SFSWAP: variants seen among roughly 807,000 people sequenced by gnomAD.
SFSWAP encodes splicing factor SWAP.
In SFSWAP, 17 loss-of-function variants were observed where a neutral mutation model predicts 100.7. The observed-to-expected ratio is 0.17, with a 90% CI of 0.12 to 0.25. SFSWAP has a LOEUF of 0.25. SFSWAP is among the 10% of genes least tolerant of loss of function. SFSWAP has a pLI of 1.00. For synonymous variants in SFSWAP, 504 were observed against 510.1 expected, an observed-to-expected ratio of 0.99 and a Z score of 0.16; for missense variants, 1,005 against 1,262.6, an observed-to-expected ratio of 0.80 and a Z score of 3.09.
chr12:131,726,158 A>G (rs899064001), intron 5 of SFSWAP, among the ~76,000 whole-genome samples: 30 of 146,348 alleles, frequency 2.0e-4, no homozygotes, highest in Non-Finnish European at 4.5e-4. Context: ...AAGTCTATTC[A>G]TATATATGTA....
At chr12:131,728,612 G>A (rs1879214318) in intron 7 of SFSWAP, among the ~76,000 whole-genome samples, 184 bp downstream of exon 7, 1 of 152,180 alleles carries the variant, frequency 6.6e-6, no homozygotes, top group Non-Finnish European at 1.5e-5. Flanking sequence ...GCCCAGTGTT[G>A]GCAAGATGGC....
intron 13 of SFSWAP, among the ~76,000 whole-genome samples, chr12:131,777,085 G>A (rs1290113402): frequency 1.3e-5 from 2 of 152,142 alleles, no homozygotes; most frequent in African/African-American, 4.8e-5. Flanking sequence ...TAACATCGGA[G>A]GTTTGAGGAA....
At chr12:131,738,896 T>G (rs1246887881) in intron 7 of SFSWAP, among the ~76,000 whole-genome samples, 1 of 114,688 alleles carries the variant, frequency 8.7e-6, no homozygotes, top group Non-Finnish European at 1.9e-5. Flanking sequence ...TTTTTTTTTT[T>G]TTTTTTTTTT....
rs371150914 is a variant in SFSWAP at position 131,756,562 on chromosome 12, C to T, written c.1638C>T (p.Ala546=). The change falls in exon 11 of 18, where the codon GCC becomes GCT. Residue 546 remains alanine (A), a synonymous_variant. Transcript: ENST00000261674. ...AGGATGGCGCGCCTGAAGACGCAGC[C>T]GAGGTGGGAGCACGGGCAGGCTCAG... ...AGEDGAPEDA[A]EVGARAGSGG... is the part of the protein sequence containing the mutation. The T allele has an allele frequency of 1.8e-5, 29 of 1,613,818 alleles. No homozygotes were observed. The East Asian group carries it at 2.2e-4, about 12-fold the overall frequency.
At chr12:131,727,096 A>G in intron 6 of SFSWAP, 44 bp downstream of exon 6, 1 of 1,172,838 alleles carries the variant, frequency 8.5e-7, no homozygotes, top group Non-Finnish European at 1.3e-6. Context: ...CCACCACAAA[A>G]CTTCTGCTAA....
intron 15 of SFSWAP, among the ~76,000 whole-genome samples, chr12:131,795,016 C>T (rs557487995): frequency 1.3e-5 from 2 of 152,318 alleles, no homozygotes; most frequent in South Asian, 2.1e-4. Context: ...ATTTATTTGC[C>T]GCTTCCTTTG....
At chr12:131,782,017 G>T (rs576854789) in intron 14 of SFSWAP, among the ~76,000 whole-genome samples, 9 of 152,356 alleles carry the variant, frequency 5.9e-5, no homozygotes, top group Admixed American at 5.9e-4. Flanking sequence ...CAGTGCCGTG[G>T]TCTCTGGAGT....
intron 13 of SFSWAP, among the ~76,000 whole-genome samples, chr12:131,769,950 G>A (rs1883450961): frequency 6.6e-6 from 1 of 152,132 alleles, no homozygotes; most frequent in South Asian, 2.1e-4. Context: ...TAAATCACTA[G>A]GATGCTCTCC....
At chr12:131,771,243 T>A (rs1221582150) in intron 13 of SFSWAP, among the ~76,000 whole-genome samples, 1 of 152,194 alleles carries the variant, frequency 6.6e-6, no homozygotes, top group Non-Finnish European at 1.5e-5. Flanking sequence ...GTGTTTGGTG[T>A]GTTACAGGCA....
chr12:131,723,554 C>T (rs747170676), intron 4 of SFSWAP, among the ~76,000 whole-genome samples: 3 of 152,176 alleles, frequency 2.0e-5, no homozygotes, highest in Non-Finnish European at 4.4e-5. Flanking sequence ...CTGGGCAAAG[C>T]AGGTATTTGA....
chr12:131,755,599 T>C, intron 10 of SFSWAP, 120 bp downstream of exon 10: 2 of 672,384 alleles, frequency 3.0e-6, no homozygotes, highest in Non-Finnish European at 5.2e-6. Context: ...CTTCACCTTT[T>C]TTTAATGTGT....
intron 13 of SFSWAP, among the ~76,000 whole-genome samples, chr12:131,773,449 C>T (rs975201468): frequency 3.3e-5 from 5 of 152,212 alleles, no homozygotes; most frequent in Admixed American, 3.3e-4. Context: ...AAGCACTCCT[C>T]CTACCTCAGC....
In SFSWAP at chr12:131,733,944, G is replaced by A. The variant is rs983091463; in HGVS notation, c.1081+5516G>A. Reference sequence around the variant, plus strand: ...AGACAAGACCCCAAACACACACATGGGAGCCCTGAGCCCACCCTGGGGCAG... The same window carrying A: ...AGACAAGACCCCAAACACACACATGAGAGCCCTGAGCCCACCCTGGGGCAG... On this transcript the variant is annotated intron_variant, in intron 7 of 17. Coordinates refer to ENST00000261674, the MANE Select transcript of SFSWAP (RefSeq NM_004592.4). The surrounding 1 kb of genome is among the most constrained non-coding windows in gnomAD (Gnocchi z 5.1). Among the ~76,000 whole-genome samples, 4 of 152,194 alleles carry A rather than the reference G, an allele frequency of 2.6e-5. No individual in the cohort carries two copies. Among genetic ancestry groups the A allele is most frequent in the African/African-American group, 9.7e-5 (4 of 41,440 alleles).
At chr12:131,784,914 A>C (rs530805437) in intron 14 of SFSWAP, 3 of 492,400 alleles carry the variant, frequency 6.1e-6, no homozygotes, top group African/African-American at 5.9e-5. Context: ...TTAAAAACTA[A>C]CTTATTTTTC....
chr12:131,735,174 A>G (rs1879886765), intron 7 of SFSWAP, among the ~76,000 whole-genome samples: 3 of 152,072 alleles, frequency 2.0e-5, no homozygotes, highest in African/African-American at 7.3e-5. Context: ...AAGCCCAAAA[A>G]TCAAGTCCCC....
intron 7 of SFSWAP, among the ~76,000 whole-genome samples, chr12:131,742,859 A>G (rs1385656493): frequency 1.3e-5 from 2 of 152,154 alleles, no homozygotes; most frequent in African/African-American, 2.4e-5. Flanking sequence ...GGAGGAGAAG[A>G]AGAGGTTTAA....
At chr12:131,773,378 C>T (rs1883770257) in intron 13 of SFSWAP, among the ~76,000 whole-genome samples, 1 of 151,764 alleles carries the variant, frequency 6.6e-6, no homozygotes, top group Non-Finnish European at 1.5e-5. Context: ...CTCACTCTGT[C>T]GCCCGAGCTA....
intron 13 of SFSWAP, among the ~76,000 whole-genome samples, chr12:131,770,622 A>AT (rs11455992): frequency 0.82 from 124,524 of 151,998 alleles, 53,491 homozygotes; most frequent in East Asian, 0.96. Flanking sequence ...TTTCTTGTGT[A>AT]TTTTTTTAAT....
chr12:131,720,900 T>TA (rs980934871), intron 4 of SFSWAP, among the ~76,000 whole-genome samples: 24 of 152,162 alleles, frequency 1.6e-4, no homozygotes. Flanking sequence ...CACACAGCTA[T>TA]AAAAAAATAC....
Sources: allele counts gnomAD v4.1 joint callset (sites outside exome capture counted in the v4.1 genomes callset), GRCh38; gene constraint gnomAD v4.1.1; non-coding constraint Gnocchi (gnomAD v3.1); transcripts MANE v1.5; gene names NCBI Gene and HGNC (gene_info 2026-07-23, HGNC 2026-07-21).